Variants in ADGRG2 observed in about 807,000 individuals in gnomAD.
ADGRG2 encodes the protein G protein-coupled receptor 64.
In ADGRG2, 26 loss-of-function variants were observed where a neutral mutation model predicts 74.1. The observed-to-expected ratio is 0.35, with a 90% CI of 0.26 to 0.49. The LOEUF is 0.49. Ranked by LOEUF, ADGRG2 falls within the 20% of genes least tolerant of loss-of-function variation. The probability of loss-of-function intolerance (pLI) is 0.99; values close to 1 mark genes in which losing one functional copy is unlikely to be tolerated. For missense variants in ADGRG2, 619 were observed against 763.1 expected (o/e 0.81, Z 2.22); for synonymous variants, 296 against 295.2 (o/e 1.00, Z -0.03).
At chrX:19,082,072 C>CAAAAAAAAAAAAA (rs57534658) in intron 2 of ADGRG2, among the ~76,000 whole-genome samples, 6 of 21,119 alleles carry the variant, frequency 2.8e-4, no homozygotes, top group Non-Finnish European at 5.4e-4. Flanking sequence ...GACCCTGTCT[C>CAAAAAAAAAAAAA]AAAAAAAAAA....
intron 1 of ADGRG2, 149 bp from the exon 2 acceptor site, chrX:19,082,895 G>A (rs1266200182): frequency 8.9e-6 from 1 of 112,414 alleles, no homozygotes; most frequent in East Asian, 2.8e-4. Flanking sequence ...ACTTGGCAGT[G>A]GAGTTACAGA....
rs1303649010 is a variant in ADGRG2 at position 18,995,002 on chromosome X, G to C, written c.2763C>G (p.Asn921Lys). Residue 921 changes from asparagine (N) to lysine (K), a missense_variant, in exon 28 of 29, where the codon AAC (asparagine) becomes AAG (lysine). Coordinates refer to ENST00000379869, the MANE Select transcript of ADGRG2 (RefSeq NM_001079858.3). ...AATTTGAAGAGCTGGACACTCCTTG[G>C]TTTACAGTCTGCTTCTTTAAACCAT... ...ATNGLKKQTV[N>K]QGVSSSSNSL... 1.7e-6 allele frequency: 2 copies of C among 1,201,189 alleles called. No homozygotes were observed. Among genetic ancestry groups the C allele is most frequent in the East Asian group, 5.9e-5 (2 of 33,679 alleles).
At chrX:19,061,222 A>G (rs1408847237) in intron 3 of ADGRG2, among the ~76,000 whole-genome samples, 1 of 110,577 alleles carries the variant, frequency 9.0e-6, no homozygotes, top group East Asian at 2.8e-4. Context: ...TGAGCATAGT[A>G]CTGCTGATGT....
chrX:19,116,574 T>C (rs2062519808), intron 1 of ADGRG2, among the ~76,000 whole-genome samples: 1 of 107,157 alleles, frequency 9.3e-6, no homozygotes, highest in African/African-American at 3.4e-5. Flanking sequence ...CATGGACTTA[T>C]AAGACTGCAT....
At chrX:19,058,240 A>G (rs753338854) in intron 3 of ADGRG2, among the ~76,000 whole-genome samples, 28 of 111,763 alleles carry the variant, frequency 2.5e-4, no homozygotes, top group African/African-American at 8.4e-4. Flanking sequence ...GGCCTCAAAG[A>G]GAGTTTACAT....
In ADGRG2 at chrX:19,023,426, C is replaced by T. The variant is rs1200982606; in HGVS notation, c.538G>A (p.Glu180Lys). The stretch of plus-strand genomic sequence containing the variant: ...TTAAAAATGACTGACCTTTGGGCCT[C>T]TGCTGTAGCACACATTATAAAGTAA... ...ETYFIMCATA[E>K]AQSTLNCTFT... is the part of the protein sequence containing the mutation. Residue 180 changes from glutamate (E) to lysine (K), a missense_variant, in exon 13 of 29, where the codon GAG becomes AAG. Coordinates refer to ENST00000379869, the MANE Select transcript of ADGRG2 (RefSeq NM_001079858.3). The T allele has an allele frequency of 9.0e-7, 1 of 1,107,416 alleles. No homozygotes were observed. Among genetic ancestry groups the T allele is most frequent in the East Asian group, 3.0e-5 (1 of 33,088 alleles). 91.3% of individuals were successfully genotyped at this position (1,107,416 alleles called of 1,213,427 possible).
chrX:19,055,639 T>C (rs2061399862), intron 3 of ADGRG2, among the ~76,000 whole-genome samples: 1 of 110,795 alleles, frequency 9.0e-6, no homozygotes, highest in South Asian at 3.8e-4. Flanking sequence ...GTTCTCACCA[T>C]GTGTCAGATG....
In ADGRG2 at chrX:19,007,242, G is replaced by A. The variant is rs760652148; in HGVS notation, c.1682C>T (p.Pro561Leu). ...NVTVTLKHIN[P>L]SQDELTVRCV... is the part of the protein sequence containing the mutation. Reference sequence around the variant, plus strand: ...GCACTGGCCTCTCCCCACCTGGCTCGGGTTGATGTGCTTTAATGTGACTGT... The same window carrying A: ...GCACTGGCCTCTCCCCACCTGGCTCAGGTTGATGTGCTTTAATGTGACTGT... The change falls in exon 20 of 29, where the codon CCG becomes CTG. Residue 561 changes from proline (P) to leucine (L), a missense_variant. By Grantham distance (98) the Pro-to-Leu change is moderately conservative. This residue lies in a region of ADGRG2 where 221 missense variants were observed against 340.6 expected (regional missense o/e 0.65). Transcript: ENST00000379869. 23 of 1,208,983 alleles carry A rather than the reference G, an allele frequency of 1.9e-5. No homozygotes were observed. In the East Asian group the frequency reaches 5.0e-4, roughly 26 times the overall value.
At chrX:19,075,617 CAAAAAAAAAAAAAA>C (rs61690480) in intron 2 of ADGRG2, among the ~76,000 whole-genome samples, 1 of 39,476 alleles carries the variant, frequency 2.5e-5, no homozygotes, top group Admixed American at 3.4e-4. Flanking sequence ...GACTTCGCCT[CAAAAAAAAAAAAAA>C]AAAAAAAAGA....
At chrX:19,006,873 C>T (rs1332463229) in intron 20 of ADGRG2, among the ~76,000 whole-genome samples, 2 of 106,922 alleles carry the variant, frequency 1.9e-5, no homozygotes, top group Admixed American at 1.0e-4. Flanking sequence ...CCTCCCGCCT[C>T]AGCCCTCCAA....
At chrX:19,115,585 AGCACGGAGGAG>A (rs779740191) in intron 1 of ADGRG2, among the ~76,000 whole-genome samples, 46 of 111,148 alleles carry the variant, frequency 4.1e-4, no homozygotes, top group Non-Finnish European at 7.9e-4. Flanking sequence ...GAGGAACATA[AGCACGGAGGAG>A]GCTGTGTTTG....
chrX:19,060,608 G>A (rs1022566988), intron 3 of ADGRG2, among the ~76,000 whole-genome samples: 5 of 106,491 alleles, frequency 4.7e-5, no homozygotes, highest in Non-Finnish European at 9.7e-5. Flanking sequence ...GAGTGCAGTG[G>A]TGCAATCTCA....
intron 1 of ADGRG2, among the ~76,000 whole-genome samples, chrX:19,118,779 T>A (rs138972664): frequency 8.9e-6 from 1 of 112,225 alleles, no homozygotes; most frequent in Non-Finnish European, 1.9e-5. Flanking sequence ...CAAAAAGCCA[T>A]ATGTGAATAT....
intron 4 of ADGRG2, among the ~76,000 whole-genome samples, 195 bp downstream of exon 4, chrX:19,039,994 C>G (rs973377626): frequency 8.9e-6 from 1 of 111,968 alleles, no homozygotes; most frequent in Admixed American, 9.5e-5. Flanking sequence ...GGCTTTGTCC[C>G]GCAATATGGA....
intron 24 of ADGRG2, among the ~76,000 whole-genome samples, chrX:19,000,241 C>T (rs989087852): frequency 9.0e-6 from 1 of 111,719 alleles, no homozygotes; most frequent in Non-Finnish European, 1.9e-5. Flanking sequence ...TCGTGATCTG[C>T]CCGCCTCGGT....
intron 3 of ADGRG2, among the ~76,000 whole-genome samples, chrX:19,049,658 T>C (rs1044526262): frequency 9.1e-6 from 1 of 109,313 alleles, no homozygotes; most frequent in Non-Finnish European, 1.9e-5. Context: ...TCAGCTATCA[T>C]GTTAGTGTAT....
chrX:19,107,282 T>C (rs961755267), intron 1 of ADGRG2, among the ~76,000 whole-genome samples: 2 of 112,402 alleles, frequency 1.8e-5, no homozygotes, highest in Non-Finnish European at 3.8e-5. Flanking sequence ...CTGCTGTGCA[T>C]GACACTATCT....
chrX:19,122,599 G>A (rs2062629582), upstream of ADGRG2: 1 of 109,405 alleles, frequency 9.1e-6, no homozygotes, highest in African/African-American at 3.2e-5. Context: ...CCAGCGCGGC[G>A]TGGCGCGTCG....
rs1006951308 is a variant in ADGRG2, at chrX:19,001,730, T to G, written c.2230+1116A>C. Among the ~76,000 whole-genome samples, 14 of 111,463 alleles carry G rather than the reference T, an allele frequency of 1.3e-4. No individual in the cohort carries two copies. The Admixed American group carries it at 1.3e-3, about 11-fold the overall frequency. ...GAAGGCAGGGTGGCAAGGGTGGTGGTGTGCTTTCAATCTTGATGTGTAGGA... is the reference window on the plus strand; with the variant it reads ...GAAGGCAGGGTGGCAAGGGTGGTGGGGTGCTTTCAATCTTGATGTGTAGGA... On this transcript the variant is annotated intron_variant, in intron 24 of 28. Coordinates refer to ENST00000379869, the MANE Select transcript of ADGRG2 (RefSeq NM_001079858.3).
Sources: gnomAD v4.1 joint callset for allele counts (sites outside exome capture counted in the v4.1 genomes callset) on GRCh38, gnomAD v4.1.1 for gene constraint, gnomAD v4.1.1 regional missense constraint, MANE v1.5 for transcripts, NCBI Gene and HGNC (gene_info 2026-07-23, HGNC 2026-07-21) for gene names.